Variants in ZDHHC5 observed in about 807,000 individuals in gnomAD.
ZDHHC5 encodes the protein zDHHC palmitoyltransferase 5, also known as palmitoyltransferase ZDHHC5.
In ZDHHC5, 22 loss-of-function variants were observed where a neutral mutation model predicts 70.0. The ratio of observed to expected loss-of-function variants is 0.31; its 90% CI spans 0.22 to 0.45. The LOEUF (loss-of-function observed/expected upper bound fraction) is 0.45, where lower values mean the gene tolerates loss of function less well. Among genes scored for constraint, ZDHHC5 ranks in the 20% least tolerant of loss-of-function variants. ZDHHC5 has a pLI of 1.00. For synonymous variants in ZDHHC5, 313 were observed against 347.8 expected (o/e 0.90, Z 1.11); for missense variants, 746 against 926.9 (o/e 0.80, Z 2.53).
At chr11:57,674,520 G>A (rs1399320027) in intron 2 of ZDHHC5, among the ~76,000 whole-genome samples, 1 of 152,122 alleles carries the variant, frequency 6.6e-6, no homozygotes. Context: ...AAACCTAGTT[G>A]TGAAGTGTTA....
At chr11:57,674,641 C>T (rs939370173) in intron 2 of ZDHHC5, among the ~76,000 whole-genome samples, 2 of 152,268 alleles carry the variant, frequency 1.3e-5, no homozygotes, top group African/African-American at 2.4e-5. Flanking sequence ...GGCAATTATA[C>T]ACAAGTTAAA....
At chr11:57,689,948 C>A in intron 4 of ZDHHC5, 83 bp from the exon 5 acceptor site, 1 of 1,468,066 alleles carries the variant, frequency 6.8e-7, no homozygotes, top group Non-Finnish European at 9.3e-7. Context: ...CAAAACTTAG[C>A]TGCCATTTGT....
intron 11 of ZDHHC5, 93 bp from the exon 12 acceptor site, chr11:57,699,773 C>T (rs549542713): frequency 4.0e-6 from 6 of 1,484,312 alleles, no homozygotes; most frequent in East Asian, 2.3e-5. Context: ...TAGAAAAGAA[C>T]ATCATTTTTT....
At chr11:57,692,733 C>T in intron 7 of ZDHHC5, 31 bp downstream of exon 7, 1 of 1,610,266 alleles carries the variant, frequency 6.2e-7, no homozygotes, top group Middle Eastern at 1.7e-4. Flanking sequence ...TAGTGTTTAC[C>T]ATTGGTCAGA....
chr11:57,685,339 T>G (rs111307454), intron 3 of ZDHHC5, among the ~76,000 whole-genome samples: 5 of 152,072 alleles, frequency 3.3e-5, no homozygotes, highest in Non-Finnish European at 7.4e-5. Flanking sequence ...ACTATGATGG[T>G]CATTTGGGGT....
intron 2 of ZDHHC5, 110 bp downstream of exon 2, chr11:57,673,304 C>T (rs2135377281): frequency 8.1e-6 from 8 of 984,738 alleles, no homozygotes; most frequent in South Asian, 7.1e-5. Flanking sequence ...GAGGGCTCAG[C>T]GTCTGGTACA....
chr11:57,685,710 A>G (rs937654302), intron 3 of ZDHHC5, among the ~76,000 whole-genome samples: 1 of 152,140 alleles, frequency 6.6e-6, no homozygotes, highest in Non-Finnish European at 1.5e-5. Context: ...CTAGAAAGGA[A>G]GATAGGAAGA....
chr11:57,694,720 TC>T (rs1946327970), intron 8 of ZDHHC5, among the ~76,000 whole-genome samples: 1 of 152,218 alleles, frequency 6.6e-6, no homozygotes, highest in Non-Finnish European at 1.5e-5. Flanking sequence ...TTCCATGTCT[TC>T]ATAGGACTTA....
At chr11:57,687,443 C>T (rs1248067399) in intron 3 of ZDHHC5, among the ~76,000 whole-genome samples, 4 of 151,906 alleles carry the variant, frequency 2.6e-5, no homozygotes, top group South Asian at 4.2e-4. Flanking sequence ...AAGTGGCGTG[C>T]GCCTGTAATC....
At chr11:57,693,720 T>C (rs996346371) in intron 7 of ZDHHC5, 63 bp from the exon 8 acceptor site, 25 of 1,475,106 alleles carry the variant, frequency 1.7e-5, no homozygotes, top group East Asian at 5.1e-5. Context: ...GTAGATACTT[T>C]AAAATATAAA....
chr11:57,692,739 T>G lies in ZDHHC5; in HGVS notation c.752+37T>G, dbSNP rs1489865713. ...CCTCTGGTCTAGTGTTTACCATTGG[T>G]CAGAACTTTTATCTTCTTTGGGCTT... is the stretch of plus-strand genomic sequence containing the variant. On this transcript the variant is annotated intron_variant, in intron 7 of 11. Transcript: ENST00000287169. 2.5e-6 allele frequency: 4 copies of G among 1,607,902 alleles called. No individual in the cohort carries two copies. The Admixed American group carries it at 5.0e-5, about 20-fold the overall frequency.
intron 2 of ZDHHC5, among the ~76,000 whole-genome samples, chr11:57,676,908 G>GTTTT (rs1421559800): frequency 2.7e-5 from 3 of 111,860 alleles, no homozygotes; most frequent in African/African-American, 1.2e-4. Context: ...TGCTTCACGT[G>GTTTT]ATTTTTTTTT....
At chr11:57,682,673 A>G (rs1462863983) in intron 3 of ZDHHC5, 130 bp downstream of exon 3, 2 of 1,189,350 alleles carry the variant, frequency 1.7e-6, no homozygotes, top group Non-Finnish European at 1.1e-6. Flanking sequence ...ATTTGGGCAT[A>G]CGCAGTTGAT....
At position 57,695,892 on chromosome 11, in the gene ZDHHC5, C is replaced by A. The variant is rs1346301232; in HGVS notation, c.886-28C>A. ...TTGCCATAATGCTCAATTTCTAAAT[C>A]TGATTTTCCCTCCCTTCATCAATCC... On this transcript the variant is annotated intron_variant, in intron 8 of 11. Coordinates refer to ENST00000287169, the MANE Select transcript of ZDHHC5 (RefSeq NM_015457.3). The A allele has an allele frequency of 3.1e-6, 5 of 1,604,160 alleles. No homozygotes were observed. In the African/African-American group the frequency reaches 5.4e-5, roughly 17 times the overall value.
chr11:57,692,996 C>G (rs1348250202), intron 7 of ZDHHC5, among the ~76,000 whole-genome samples: 3 of 152,026 alleles, frequency 2.0e-5, no homozygotes, highest in Admixed American at 2.0e-4. Flanking sequence ...CAGGATGAAA[C>G]TGTTCCACCT....
At chr11:57,678,386 C>T (rs577704492) in intron 2 of ZDHHC5, among the ~76,000 whole-genome samples, 15 of 151,840 alleles carry the variant, frequency 9.9e-5, no homozygotes, top group African/African-American at 2.2e-4. Context: ...CTGGCTAACA[C>T]GGTGAAACCC....
chr11:57,691,805 A>G (rs1565196385), intron 6 of ZDHHC5, among the ~76,000 whole-genome samples: 1 of 152,074 alleles, frequency 6.6e-6, no homozygotes, highest in Non-Finnish European at 1.5e-5. Flanking sequence ...CCTAAAAAAA[A>G]AAAAGAATAG....
rs369421896 is a variant in ZDHHC5, at chr11:57,689,084, A to C, written c.384+419A>C. On this transcript the variant is annotated intron_variant, in intron 4 of 11. Coordinates refer to ENST00000287169, the MANE Select transcript of ZDHHC5 (RefSeq NM_015457.3). ...GATTTATAGTTCTAGCCTTCTATCT[A>C]TTGGCTCAGTTTTGGTTATTTATCC... Among the ~76,000 whole-genome samples, 6 of 152,078 alleles carry C rather than the reference A, an allele frequency of 3.9e-5. No individual in the cohort carries two copies. The East Asian group carries it at 9.7e-4, about 25-fold the overall frequency.
At chr11:57,697,975 A>C (rs561850651) in intron 10 of ZDHHC5, among the ~76,000 whole-genome samples, 1 of 151,902 alleles carries the variant, frequency 6.6e-6, no homozygotes, top group Admixed American at 6.5e-5. Context: ...CTCTACTAAA[A>C]ATACAAAAAT....
Sources: allele counts gnomAD v4.1 joint callset (sites outside exome capture counted in the v4.1 genomes callset), GRCh38; gene constraint gnomAD v4.1.1; transcripts MANE v1.5; gene names NCBI Gene and HGNC (gene_info 2026-07-23, HGNC 2026-07-21).